The following MX1 variants were observed in gnomAD, a reference collection of about 807,000 sequenced individuals.
MX1 encodes the protein MX dynamin like GTPase 1.
MX1 carries 66 observed loss-of-function variants against 66.4 expected under a neutral mutation model. The observed-to-expected ratio is 0.99, with a 90% CI of 0.82 to 1.22. The LOEUF is 1.22. MX1 is among the 50% of genes most tolerant of loss of function. The pLI is 0.00. For synonymous variants in MX1, 311 were observed against 318.1 expected, an observed-to-expected ratio of 0.98 and a Z score of 0.24; for missense variants, 787 against 834.3, an observed-to-expected ratio of 0.94 and a Z score of 0.70.
At chr21:41,448,602 G>A (rs1456485812) in intron 13 of MX1, among the ~76,000 whole-genome samples, 1 of 152,098 alleles carries the variant, frequency 6.6e-6, no homozygotes, top group Admixed American at 6.6e-5. Flanking sequence ...TCAGGAAATT[G>A]AGACCATCCT....
chr21:41,437,951 A>T (rs529560322), intron 7 of MX1, among the ~76,000 whole-genome samples: 4 of 152,342 alleles, frequency 2.6e-5, no homozygotes, highest in Admixed American at 2.0e-4. Flanking sequence ...AACCACAAGG[A>T]TCAATTTGAA....
At chr21:41,451,872 C>G (rs1284759352) in intron 15 of MX1, among the ~76,000 whole-genome samples, 6 of 150,348 alleles carry the variant, frequency 4.0e-5, no homozygotes, top group African/African-American at 1.2e-4. Context: ...AACTTTCCAT[C>G]CAGAGTGAGG....
upstream of MX1, among the ~76,000 whole-genome samples, chr21:41,421,582 G>C (rs1200024212): frequency 6.6e-6 from 1 of 152,218 alleles, no homozygotes; most frequent in South Asian, 2.1e-4. Flanking sequence ...TTAGGGCGTG[G>C]TGATGACTCT....
Position 41,458,656 on chromosome 21 carries a change from C to T in MX1, c.1887C>T (p.Leu629=). 6.2e-7 allele frequency: 1 copy of T among 1,614,234 alleles called. No homozygotes were observed. Among genetic ancestry groups the T allele is most frequent in the South Asian group, 1.1e-5 (1 of 91,092 alleles). The part of the protein sequence containing the change: ...LLQDKDTYSW[L]LKERSDTSDK... ...AGGACAAGGACACCTACAGCTGGCTCCTGAAGGAGCGGAGCGACACCAGCG... is the reference window on the plus strand; with the variant it reads ...AGGACAAGGACACCTACAGCTGGCTTCTGAAGGAGCGGAGCGACACCAGCG... Residue 629 remains leucine (L), a synonymous_variant, in exon 17 of 17, where the codon CTC becomes CTT. Transcript: ENST00000398598.
intron 12 of MX1, 165 bp downstream of exon 12, chr21:41,445,735 T>G (rs1601517604): frequency 9.8e-7 from 1 of 1,024,350 alleles, no homozygotes; most frequent in Non-Finnish European, 1.4e-6. Flanking sequence ...GGGCAGGGAG[T>G]GCAGATGTGG....
chr21:41,454,499 G>C (rs2090913005), intron 16 of MX1, among the ~76,000 whole-genome samples: 1 of 152,172 alleles, frequency 6.6e-6, no homozygotes, highest in Non-Finnish European at 1.5e-5. Flanking sequence ...TGGCCAAGAG[G>C]GGGTCTGTTG....
At chr21:41,432,362 A>G (rs2090242481) in intron 5 of MX1, among the ~76,000 whole-genome samples, 187 bp downstream of exon 5, 1 of 152,200 alleles carries the variant, frequency 6.6e-6, no homozygotes, top group Non-Finnish European at 1.5e-5. Context: ...GCCTTAGCTC[A>G]CCGTGGGTGG....
chr21:41,440,416 C>G (rs1307870149), intron 8 of MX1, among the ~76,000 whole-genome samples: 1 of 152,140 alleles, frequency 6.6e-6, no homozygotes, highest in Non-Finnish European at 1.5e-5. Context: ...ACCAGGGAGG[C>G]TGTGATGAGC....
rs186675464 is a variant in MX1, at chr21:41,443,986, A to G, written c.1008+120A>G. On this transcript the variant is annotated intron_variant, in intron 11 of 16. Coordinates refer to ENST00000398598, the MANE Select transcript of MX1 (RefSeq NM_002462.5). Reference sequence around the variant, plus strand: ...TCTTCTGAGGATCTTGTTAAGATGCAGTTTCAGATTCTGTGGGTCTGGAGT... The same window carrying G: ...TCTTCTGAGGATCTTGTTAAGATGCGGTTTCAGATTCTGTGGGTCTGGAGT... 16 of 955,402 alleles carry G rather than the reference A, an allele frequency of 1.7e-5. No homozygotes were observed. The Admixed American group carries it at 3.4e-4, about 20-fold the overall frequency. 59.2% of individuals were successfully genotyped at this position (955,402 alleles called of 1,614,324 possible).
Position 41,441,301 on chromosome 21 carries a change from A to C in MX1, c.730+276A>C. The C allele has an allele frequency of 2.2e-6, 1 of 450,572 alleles. No individual in the cohort carries two copies. Among genetic ancestry groups the C allele is most frequent in the Non-Finnish European group, 4.0e-6 (1 of 247,078 alleles). The allele number at this position is 450,572 out of a possible 1,614,324, so 27.9% of individuals were successfully genotyped here. Reference sequence around the variant, plus strand: ...GGCCAAGTGAAATGAGCTGCTTTTGACTCTCACTGGCTAGGTTGCCTTGTA... The same window carrying C: ...GGCCAAGTGAAATGAGCTGCTTTTGCCTCTCACTGGCTAGGTTGCCTTGTA... On this transcript the variant is annotated intron_variant, in intron 9 of 16. Coordinates refer to ENST00000398598, the MANE Select transcript of MX1 (RefSeq NM_002462.5). This position sits in a 1 kb window ranked among gnomAD's most constrained non-coding sequence, Gnocchi z 4.0.
intron 10 of MX1, 146 bp downstream of exon 10, chr21:41,442,060 C>A: frequency 1.4e-6 from 1 of 731,872 alleles, no homozygotes; most frequent in Non-Finnish European, 2.3e-6. Flanking sequence ...TGTGACTATG[C>A]TTGTTCCCCA....
rs2090184917 is a variant in MX1 at position 41,430,569 on chromosome 21, T to A, written c.-61T>A. 6.6e-6 allele frequency: 1 copy of A among 152,188 alleles called. No homozygotes were observed. The highest frequency in any genetic ancestry group is 1.5e-5 in the Non-Finnish European group (1 of 68,032). 9.4% of individuals were successfully genotyped at this position (152,188 alleles called of 1,614,324 possible). ...GAACAGCTCTGTGATACCATTTAACTTGTTGACATTACTTTTATTTGAAGG... is the reference window on the plus strand; with the variant it reads ...GAACAGCTCTGTGATACCATTTAACATGTTGACATTACTTTTATTTGAAGG... On this transcript the variant is annotated 5_prime_UTR_variant, in exon 4 of 17. It adds an upstream start codon to the 5' untranslated region. Coordinates refer to ENST00000398598, the MANE Select transcript of MX1 (RefSeq NM_002462.5).
chr21:41,435,099 C>T (rs1437752474), intron 5 of MX1, among the ~76,000 whole-genome samples: 3 of 152,184 alleles, frequency 2.0e-5, no homozygotes, highest in Admixed American at 1.3e-4. Flanking sequence ...ACTGTCTTCT[C>T]GCTTGTTATT....
At chr21:41,440,013 C>G (rs2090464606) in intron 8 of MX1, among the ~76,000 whole-genome samples, 165 bp downstream of exon 8, 2 of 152,110 alleles carry the variant, frequency 1.3e-5, no homozygotes, top group Admixed American at 1.3e-4. Context: ...GCCCGTTGGT[C>G]ACAGTCTGTT....
At chr21:41,452,539 T>C in intron 15 of MX1, 82 bp from the exon 16 acceptor site, 1 of 1,465,566 alleles carries the variant, frequency 6.8e-7, no homozygotes, top group Non-Finnish European at 9.2e-7. Flanking sequence ...TAACCTGGTA[T>C]TTACGGACTT....
At chr21:41,454,333 C>T (rs1175282405) in intron 16 of MX1, among the ~76,000 whole-genome samples, 2 of 152,088 alleles carry the variant, frequency 1.3e-5, no homozygotes, top group Non-Finnish European at 2.9e-5. Context: ...TGACTTAACC[C>T]CTGCCTCACA....
At chr21:41,452,482 G>A (rs1174141671) in intron 15 of MX1, 139 bp from the exon 16 acceptor site, 11 of 930,876 alleles carry the variant, frequency 1.2e-5, no homozygotes, top group East Asian at 7.7e-5. Context: ...ACCAGGGCGC[G>A]GCCCAGAGGG....
Position 41,431,246 on chromosome 21 carries a change from C to T in MX1, c.-22+638C>T, listed in dbSNP as rs745652220. Among the ~76,000 whole-genome samples the T allele has an allele frequency of 7.2e-5, 11 of 152,192 alleles. 1 individual carries two copies. Among genetic ancestry groups the T allele is most frequent in the Admixed American group, 3.9e-4 (6 of 15,286 alleles). On this transcript the variant is annotated intron_variant, in intron 4 of 16. Coordinates refer to ENST00000398598, the MANE Select transcript of MX1 (RefSeq NM_002462.5). Reference sequence around the variant, plus strand: ...CTATGTTGGCCAAGCTCGCTTCGAACTCCTGACCTCAGGTGATCCACTCAC... The same window carrying T: ...CTATGTTGGCCAAGCTCGCTTCGAATTCCTGACCTCAGGTGATCCACTCAC...
At position 41,435,931 on chromosome 21, in the gene MX1, A is replaced by G; in HGVS notation, c.200A>G (p.Asp67Gly). ...DSLRALGVEQ[D>G]LALPAIAVIG... is the part of the protein sequence containing the mutation. ...CTGCGGGCTCTAGGTGTGGAGCAGG[A>G]CCTGGCCCTGCCAGCCATCGCCGTC... Residue 67 changes from aspartate (D) to glycine (G), a missense_variant, in exon 6 of 17, where the codon GAC becomes GGC. Asp to Gly is a moderately conservative substitution (Grantham distance 94). Transcript: ENST00000398598. The G allele has an allele frequency of 1.2e-6, 2 of 1,614,200 alleles. No individual in the cohort carries two copies.
Sources: gnomAD v4.1 joint callset for allele counts (sites outside exome capture counted in the v4.1 genomes callset) on GRCh38, gnomAD v4.1.1 for gene constraint, Gnocchi (gnomAD v3.1) non-coding constraint, MANE v1.5 for transcripts, NCBI Gene and HGNC (gene_info 2026-07-23, HGNC 2026-07-21) for gene names.